The following CARMIL2 variants were observed in gnomAD, a reference collection of about 807,000 sequenced individuals.
CARMIL2 encodes the protein capping protein, Arp2/3 and myosin-I linker protein 2.
In CARMIL2, 96 loss-of-function variants were observed where a neutral mutation model predicts 173.3. The ratio of observed to expected loss-of-function variants is 0.55; its 90% CI spans 0.47 to 0.66. The LOEUF (loss-of-function observed/expected upper bound fraction) is 0.66. Ranked by LOEUF, CARMIL2 falls within the 30% of genes least tolerant of loss-of-function variation. The pLI is 0.00. For missense variants in CARMIL2, 1,771 were observed against 1,906.7 expected (o/e 0.93, Z 1.33); for synonymous variants, 830 against 817.1 (o/e 1.02, Z -0.27).
chr16:67,648,695 G>T lies in CARMIL2; in HGVS notation c.1450G>T (p.Asp484Tyr). Residue 484 changes from aspartate to tyrosine, a missense_variant, in exon 16 of 38, where the codon GAT becomes TAT. By Grantham distance (160) the Asp-to-Tyr change is radical. This residue lies in a region of CARMIL2 where 944 missense variants were observed against 975.6 expected (regional missense o/e 0.97). Transcript: ENST00000334583. This position sits in a 1 kb window ranked among gnomAD's most constrained non-coding sequence, Gnocchi z 6.1. The stretch of plus-strand genomic sequence containing the variant: ...AACGTCCTCTCCCAGAGCCCTTTTG[G>T]ATGGCCTCGCGCTCAACACGCACCT... ...LPPDALRALL[D>Y]GLALNTHLRD... 6.2e-7 allele frequency: 1 copy of T among 1,606,368 alleles called. No homozygotes were observed. The highest frequency in any genetic ancestry group is 8.5e-7 in the Non-Finnish European group (1 of 1,176,850).
Position 67,657,053 on chromosome 16 carries a change from T to C in CARMIL2, c.4117+172T>C. 1 of 754,060 alleles carries C rather than the reference T, an allele frequency of 1.3e-6. No individual in the cohort carries two copies. The highest frequency in any genetic ancestry group is 2.2e-6 in the Non-Finnish European group (1 of 459,044). 46.7% of individuals were successfully genotyped at this position (754,060 alleles called of 1,614,324 possible). On this transcript the variant is annotated intron_variant, in intron 36 of 37. Coordinates refer to ENST00000334583, the MANE Select transcript of CARMIL2 (RefSeq NM_001013838.3). This position sits in a 1 kb window ranked among gnomAD's most constrained non-coding sequence, Gnocchi z 4.5. ...GGGTTTGACAGCAAGCCCTTCCAAC[T>C]AGCACTGGCTCCACTTCCCGAAGAG...
rs1322172081 is a variant in CARMIL2 at position 67,649,662 on chromosome 16, G to A, written c.1919+43G>A. 1.9e-6 allele frequency: 3 copies of A among 1,560,570 alleles called. No individual in the cohort carries two copies. The highest frequency in any genetic ancestry group is 2.7e-5 in the African/African-American group (2 of 74,218). ...GGTGGGACCAGCGGGCAGGGGGCGC[G>A]GTGGAGAGGAGGGCACCGGGCTAAG... On this transcript the variant is annotated intron_variant, in intron 20 of 37. Coordinates refer to ENST00000334583, the MANE Select transcript of CARMIL2 (RefSeq NM_001013838.3). The surrounding 1 kb of genome is among the most constrained non-coding windows in gnomAD (Gnocchi z 6.7).
Position 67,651,949 on chromosome 16 carries a change from T to C in CARMIL2, c.2617T>C (p.Leu873=). The C allele has an allele frequency of 6.2e-7, 1 of 1,613,608 alleles. No homozygotes were observed. The highest frequency in any genetic ancestry group is 8.5e-7 in the Non-Finnish European group (1 of 1,179,866). ...RDMRLSITGT[L]AESIVAQALA... Reference sequence around the variant, plus strand: ...CATGCGGCTATCAATCACGGGGACCTTGGCAGAGAGCATTGTGGCTCAGGC... The same window carrying C: ...CATGCGGCTATCAATCACGGGGACCCTGGCAGAGAGCATTGTGGCTCAGGC... Residue 873 remains leucine, a synonymous_variant, in exon 26 of 38, where the codon TTG becomes CTG. Coordinates refer to ENST00000334583, the MANE Select transcript of CARMIL2 (RefSeq NM_001013838.3). The surrounding 1 kb of genome is among the most constrained non-coding windows in gnomAD (Gnocchi z 4.2).
Position 67,648,069 on chromosome 16 carries a change from G to A in CARMIL2, c.1089G>A (p.Leu363=), listed in dbSNP as rs778142589. The A allele has an allele frequency of 1.2e-6, 2 of 1,612,304 alleles. No individual in the cohort carries two copies. The highest frequency in any genetic ancestry group is 2.2e-5 in the East Asian group (1 of 44,866). ...CCCTCCAGGGCCTCTATAGCTTCCTGAGCCGTCCTAACGTACTGTCGTTCC... is the reference window on the plus strand; with the variant it reads ...CCCTCCAGGGCCTCTATAGCTTCCTAAGCCGTCCTAACGTACTGTCGTTCC... The part of the protein sequence containing the change: ...SEDSGGLYSF[L]SRPNVLSFLN... Residue 363 remains leucine (L), a synonymous_variant, in exon 14 of 38, where the codon CTG becomes CTA. Coordinates refer to ENST00000334583, the MANE Select transcript of CARMIL2 (RefSeq NM_001013838.3). The surrounding 1 kb of genome is among the most constrained non-coding windows in gnomAD (Gnocchi z 6.1).
Position 67,652,371 on chromosome 16 carries a change from T to C in CARMIL2, c.2817+32T>C. 2 of 1,612,336 alleles carry C rather than the reference T, an allele frequency of 1.2e-6. No homozygotes were observed. Among genetic ancestry groups the C allele is most frequent in the Non-Finnish European group, 1.7e-6 (2 of 1,179,016 alleles). The stretch of plus-strand genomic sequence containing the variant: ...GGTTTTAGAACACGGGGCATGGCAC[T>C]CCCAGTCTTCCCATCTTGCTGTGGA... On this transcript the variant is annotated intron_variant, in intron 27 of 37. Coordinates refer to ENST00000334583, the MANE Select transcript of CARMIL2 (RefSeq NM_001013838.3). This position sits in a 1 kb window ranked among gnomAD's most constrained non-coding sequence, Gnocchi z 4.7.
rs778129716 is a variant in CARMIL2 at position 67,648,147 on chromosome 16, G to T, written c.1167G>T (p.Val389=). ...TGGACACTGTGAGGGGGTGCTCCGT[G>T]GGGGGATGGATGACCGGCAGGGCGG... ...TALDTVRGCS[V]GGWMTGRADW... Residue 389 remains valine, a synonymous_variant, in exon 14 of 38, where the codon GTG becomes GTT. Transcript: ENST00000334583. The surrounding 1 kb of genome is among the most constrained non-coding windows in gnomAD (Gnocchi z 6.1). 1.1e-5 allele frequency: 17 copies of T among 1,612,426 alleles called. No homozygotes were observed. Among genetic ancestry groups the T allele is most frequent in the East Asian group, 6.7e-5 (3 of 44,850 alleles).
Position 67,657,094 on chromosome 16 carries a change from G to A in CARMIL2, c.4118-145G>A. The A allele has an allele frequency of 3.6e-6, 3 of 828,808 alleles. No homozygotes were observed. In the South Asian group the frequency reaches 5.0e-5, roughly 14 times the overall value. The allele number at this position is 828,808 out of a possible 1,614,324, so 51.3% of individuals were successfully genotyped here. On this transcript the variant is annotated intron_variant, in intron 36 of 37. Transcript: ENST00000334583. This position sits in a 1 kb window ranked among gnomAD's most constrained non-coding sequence, Gnocchi z 4.5. ...TCCCGAAGAGCAGCCTCTGCCAGGG[G>A]TGAGGACGCAGGGACGGGGGATGCT... is the stretch of plus-strand genomic sequence containing the variant.
rs1196664676 is a variant in CARMIL2 at position 67,649,765 on chromosome 16, T to C, written c.1920-41T>C. ...ACTAGGCCGAGGGTTGGGTGGGGCG[T>C]TGGGAAGCTCCGTCCCCGACTGAAG... On this transcript the variant is annotated intron_variant, in intron 20 of 37. Coordinates refer to ENST00000334583, the MANE Select transcript of CARMIL2 (RefSeq NM_001013838.3). The surrounding 1 kb of genome is among the most constrained non-coding windows in gnomAD (Gnocchi z 6.7). 4 of 1,593,626 alleles carry C rather than the reference T, an allele frequency of 2.5e-6. No homozygotes were observed. The highest frequency in any genetic ancestry group is 3.4e-6 in the Non-Finnish European group (4 of 1,168,318).
Position 67,651,609 on chromosome 16 carries a change from G to T in CARMIL2, c.2428-76G>T. On this transcript the variant is annotated intron_variant, in intron 24 of 37. Coordinates refer to ENST00000334583, the MANE Select transcript of CARMIL2 (RefSeq NM_001013838.3). The surrounding 1 kb of genome is among the most constrained non-coding windows in gnomAD (Gnocchi z 4.2). ...GTGATATCCCCTGACTCAATATTCT[G>T]TTGGAGTTGGAGCCTCAAGCCAGCA... 1 of 1,571,144 alleles carries T rather than the reference G, an allele frequency of 6.4e-7. No homozygotes were observed.
intron 1 of CARMIL2, 35 bp downstream of exon 1, chr16:67,645,321 A>T: frequency 6.3e-7 from 1 of 1,584,392 alleles, no homozygotes; most frequent in Non-Finnish European, 8.6e-7. Context: ...CTTGGCCGGG[A>T]GGAAGTAGTG....
In CARMIL2 at chr16:67,657,132, G is replaced by C. The variant is rs1005021608; in HGVS notation, c.4118-107G>C. 31 of 999,504 alleles carry C rather than the reference G, an allele frequency of 3.1e-5. No homozygotes were observed. The highest frequency in any genetic ancestry group is 1.3e-4 in the Admixed American group (6 of 47,724). The allele number at this position is 999,504 out of a possible 1,614,324, so 61.9% of individuals were successfully genotyped here. On this transcript the variant is annotated intron_variant, in intron 36 of 37. Transcript: ENST00000334583. The surrounding 1 kb of genome is among the most constrained non-coding windows in gnomAD (Gnocchi z 4.5). ...GACGGGGGATGCTCTGAAGGCAGCA[G>C]TGTGTGTGAGTGCATGCTTATGTGC...
In CARMIL2 at chr16:67,648,629, G is replaced by T; in HGVS notation, c.1440-56G>T. ...GATCCTGGCCCTGCCTCCTTCGTTCGCACCCTGGAGCCCCCTGTCCCAGCT... is the reference window on the plus strand; with the variant it reads ...GATCCTGGCCCTGCCTCCTTCGTTCTCACCCTGGAGCCCCCTGTCCCAGCT... On this transcript the variant is annotated intron_variant, in intron 15 of 37. Transcript: ENST00000334583. The surrounding 1 kb of genome is among the most constrained non-coding windows in gnomAD (Gnocchi z 6.1). The T allele has an allele frequency of 6.5e-7, 1 of 1,541,558 alleles. No homozygotes were observed. Among genetic ancestry groups the T allele is most frequent in the Non-Finnish European group, 8.8e-7 (1 of 1,133,828 alleles).
chr16:67,647,007 A>C, intron 8 of CARMIL2, 34 bp downstream of exon 8: 1 of 1,609,994 alleles, frequency 6.2e-7, no homozygotes, highest in South Asian at 1.1e-5. Flanking sequence ...GAGGAGGAAG[A>C]TCCCGGGGCC....
Position 67,656,845 on chromosome 16 carries a change from G to A in CARMIL2, c.4081G>A (p.Val1361Met). ...GCCTCTCTCGGCAGGGCGGCGAGCA[G>A]TGTCTGTGCATGAGGACCAGCTCCA... ...PRPLSAGRRA[V>M]SVHEDQLQAP... Residue 1361 changes from valine (V) to methionine (M), a missense_variant, in exon 36 of 38, where the codon GTG becomes ATG. By Grantham distance (21) the Val-to-Met change is conservative. Transcript: ENST00000334583. The A allele has an allele frequency of 6.4e-7, 1 of 1,550,736 alleles. No individual in the cohort carries two copies. The highest frequency in any genetic ancestry group is 8.7e-7 in the Non-Finnish European group (1 of 1,146,834).
rs758192470 is a variant in CARMIL2, at chr16:67,647,734, T to C, written c.926T>C (p.Leu309Pro). 2.0e-5 allele frequency: 27 copies of C among 1,381,448 alleles called. No homozygotes were observed. Among genetic ancestry groups the C allele is most frequent in the Non-Finnish European group, 2.6e-5 (27 of 1,041,970 alleles). 85.6% of individuals were successfully genotyped at this position (1,381,448 alleles called of 1,614,324 possible). A position where few individuals can be genotyped will look rare whatever the true frequency, so the allele number is the denominator to read the frequency against. ...CGTTGTCCAGGAGCCCTGAGGAGAC[T>C]CAGCCTGGCCCAGACAGGGTTGACA... ...LERCPGALRR[L>P]SLAQTGLTPR... The change falls in exon 12 of 38, where the codon CTC (leucine) becomes CCC (proline). Residue 309 changes from leucine (L) to proline (P), a missense_variant. By Grantham distance (98) the Leu-to-Pro change is moderately conservative (BLOSUM62 -3). Around this residue, in one of 3 missense-constraint regions of CARMIL2, gnomAD observed 944 missense variants for 975.6 expected, o/e 0.97. Coordinates refer to ENST00000334583, the MANE Select transcript of CARMIL2 (RefSeq NM_001013838.3).
chr16:67,645,888 ACTGGGCT>A, intron 3 of CARMIL2, 111 bp downstream of exon 3: 1 of 1,553,892 alleles, frequency 6.4e-7, no homozygotes. Flanking sequence ...TTGCACCAGC[ACTGGGCT>A]CTGGGCAGCC....
Position 67,657,270 on chromosome 16 carries a change from C to T in CARMIL2, c.4149C>T (p.Val1383=). The T allele has an allele frequency of 6.2e-7, 1 of 1,613,834 alleles. No individual in the cohort carries two copies. Among genetic ancestry groups the T allele is most frequent in the South Asian group, 1.1e-5 (1 of 91,070 alleles). ...CCCTGAGGCTGCAGCGCTCCCCCGT[C>T]CTCAAACGCAGGCCAAAACTCGAGG... is the stretch of plus-strand genomic sequence containing the variant. ...ERPLRLQRSP[V]LKRRPKLEAP... is the part of the protein sequence containing the mutation. The change falls in exon 37 of 38, where the codon GTC becomes GTT. Residue 1383 remains valine, a synonymous_variant. Transcript: ENST00000334583. The surrounding 1 kb of genome is among the most constrained non-coding windows in gnomAD (Gnocchi z 4.5).
chr16:67,647,075 G>A, intron 8 of CARMIL2, 41 bp from the exon 9 acceptor site: 1 of 1,610,762 alleles, frequency 6.2e-7, no homozygotes, highest in Non-Finnish European at 8.5e-7. Context: ...GACCTGGCTG[G>A]AGGGCCCTGA....
At position 67,657,171 on chromosome 16, in the gene CARMIL2, G is replaced by A. The variant is rs1182912542; in HGVS notation, c.4118-68G>A. 2 of 1,399,858 alleles carry A rather than the reference G, an allele frequency of 1.4e-6. No homozygotes were observed. Among genetic ancestry groups the A allele is most frequent in the Non-Finnish European group, 2.0e-6 (2 of 999,772 alleles). The allele number at this position is 1,399,858 out of a possible 1,614,324, so 86.7% of individuals were successfully genotyped here. On this transcript the variant is annotated intron_variant, in intron 36 of 37. Transcript: ENST00000334583. The surrounding 1 kb of genome is among the most constrained non-coding windows in gnomAD (Gnocchi z 4.5). The stretch of plus-strand genomic sequence containing the variant: ...ATGCTTATGTGCACTGGAGGTGGAA[G>A]AGAGGGGCAGGGGATGGACAGACCC...
Sources: allele counts gnomAD v4.1 joint callset, GRCh38; gene constraint gnomAD v4.1.1; regional missense constraint gnomAD v4.1.1; non-coding constraint Gnocchi (gnomAD v3.1); transcripts MANE v1.5; gene names NCBI Gene and HGNC (gene_info 2026-07-23, HGNC 2026-07-21).